The following RABGAP1L variants were observed in gnomAD, a reference collection of about 807,000 sequenced individuals.
RABGAP1L encodes RAB GTPase activating protein 1 like, also known as rab GTPase-activating protein 1-like.
A neutral mutation model predicts 137.7 loss-of-function variants in RABGAP1L; 63 were observed. That is an observed-to-expected ratio of 0.46 (90% CI 0.37 to 0.56). The LOEUF is 0.56. Among genes scored for constraint, RABGAP1L ranks in the 20% least tolerant of loss-of-function variants. RABGAP1L has a pLI of 0.00. For missense variants in RABGAP1L, 1,095 were observed against 1,244.0 expected, an observed-to-expected ratio of 0.88 and a Z score of 1.80; for synonymous variants, 431 against 433.7, an observed-to-expected ratio of 0.99 and a Z score of 0.08.
At chr1:174,607,561 A>G (rs1330650779) in intron 13 of RABGAP1L, among the ~76,000 whole-genome samples, 3 of 152,080 alleles carry the variant, frequency 2.0e-5, no homozygotes, top group African/African-American at 7.2e-5. Flanking sequence ...ACTCAAAATC[A>G]GCCACCACTC....
chr1:174,251,697 A>G (rs1343782566), intron 6 of RABGAP1L, among the ~76,000 whole-genome samples: 1 of 152,154 alleles, frequency 6.6e-6, no homozygotes, highest in African/African-American at 2.4e-5. Flanking sequence ...TTTTGTTTAT[A>G]TATTCATGGA....
chr1:174,927,183 T>C (rs952261837), intron 19 of RABGAP1L, among the ~76,000 whole-genome samples: 39 of 152,176 alleles, frequency 2.6e-4, no homozygotes, highest in Non-Finnish European at 3.8e-4. Context: ...GTGCTTTAGG[T>C]TCAGATTGAT....
At chr1:174,818,467 CAAAT>C (rs1690666141) in intron 19 of RABGAP1L, among the ~76,000 whole-genome samples, 1 of 151,874 alleles carries the variant, frequency 6.6e-6, no homozygotes, top group Non-Finnish European at 1.5e-5. Flanking sequence ...TAAGTTATGA[CAAAT>C]AAAAGCCAAT....
chr1:174,983,589 C>A (rs1671318621), intron 24 of RABGAP1L, among the ~76,000 whole-genome samples: 1 of 152,126 alleles, frequency 6.6e-6, no homozygotes, highest in Non-Finnish European at 1.5e-5. Context: ...GTTCAGGTTT[C>A]ATACTAGTAA....
rs1243654412 is a variant in RABGAP1L, at chr1:174,994,628, A to G, written c.*4627A>G. ...AATATATGGACTGAATTGTGAGAAT[A>G]TAAATGCATCGAAAGACTCTGGTGT... On this transcript the variant is annotated 3_prime_UTR_variant, in exon 26 of 26. Coordinates refer to ENST00000681986, the MANE Select transcript of RABGAP1L (RefSeq NM_001366446.1). 6.6e-6 allele frequency: 1 copy of G among 152,240 alleles called. No individual in the cohort carries two copies. 9.4% of individuals were successfully genotyped at this position (152,240 alleles called of 1,614,324 possible).
intron 1 of RABGAP1L, among the ~76,000 whole-genome samples, chr1:174,202,563 A>C (rs906113814): frequency 1.6e-4 from 24 of 152,030 alleles, no homozygotes; most frequent in Non-Finnish European, 2.2e-4. Flanking sequence ...CCTTTGTCAG[A>C]TGAGTAGGTT....
At chr1:174,162,190 G>T (rs138085455) in intron 1 of RABGAP1L, among the ~76,000 whole-genome samples, 6 of 152,112 alleles carry the variant, frequency 3.9e-5, no homozygotes, top group East Asian at 1.9e-4. Flanking sequence ...TTGAATGAAA[G>T]AATTTTATTA....
At chr1:174,872,230 G>C (rs1198190658) in intron 19 of RABGAP1L, among the ~76,000 whole-genome samples, 5 of 151,880 alleles carry the variant, frequency 3.3e-5, no homozygotes, top group Admixed American at 6.6e-5. Context: ...GAAGGATAAT[G>C]AGCTGAATGG....
chr1:174,449,101 ACTGT>A, intron 13 of RABGAP1L: 1 of 1,614,000 alleles, frequency 6.2e-7, no homozygotes, highest in Non-Finnish European at 8.5e-7. Context: ...GCCTCCGAAG[ACTGT>A]CTGAGACAAT....
intron 13 of RABGAP1L, among the ~76,000 whole-genome samples, chr1:174,398,822 G>A (rs1313793688): frequency 6.6e-6 from 1 of 152,066 alleles, no homozygotes; most frequent in African/African-American, 2.4e-5. Context: ...TTCCCCAACT[G>A]CCTCTTAATA....
intron 10 of RABGAP1L, among the ~76,000 whole-genome samples, chr1:174,302,655 C>G (rs1263345297): frequency 2.0e-5 from 3 of 152,142 alleles, no homozygotes; most frequent in Admixed American, 2.0e-4. Context: ...GTTAGCTGTT[C>G]TCAGAAGTTT....
At position 174,502,033 on chromosome 1, in the gene RABGAP1L, A is replaced by C. The variant is rs983942385; in HGVS notation, c.1710+107888A>C. Among the ~76,000 whole-genome samples, 4 of 151,864 alleles carry C rather than the reference A, an allele frequency of 2.6e-5. No individual in the cohort carries two copies. In the East Asian group the frequency reaches 7.7e-4, roughly 29 times the overall value. ...TGGAAACTCTTAATTAAAAGAAAGA[A>C]AAATATATAATATTAGGCAGAAACC... On this transcript the variant is annotated intron_variant, in intron 13 of 25. Transcript: ENST00000681986.
chr1:174,392,853 A>G (rs1386198612), intron 12 of RABGAP1L, among the ~76,000 whole-genome samples: 1 of 152,224 alleles, frequency 6.6e-6, no homozygotes, highest in Non-Finnish European at 1.5e-5. Flanking sequence ...AGATCAAACC[A>G]GAGTACATTG....
At chr1:174,622,232 A>T (rs1432627401) in intron 13 of RABGAP1L, among the ~76,000 whole-genome samples, 2 of 152,238 alleles carry the variant, frequency 1.3e-5, no homozygotes, top group East Asian at 3.8e-4. Context: ...GTGGAGAAAT[A>T]GGAACACTTT....
At chr1:174,713,042 C>T (rs1680701871) in intron 17 of RABGAP1L, among the ~76,000 whole-genome samples, 1 of 152,216 alleles carries the variant, frequency 6.6e-6, no homozygotes, top group South Asian at 2.1e-4. Context: ...TCCAATGGCA[C>T]AGGCCCAGAG....
At chr1:174,500,183 G>A (rs146267224) in intron 13 of RABGAP1L, among the ~76,000 whole-genome samples, 1,938 of 151,792 alleles carry the variant, frequency 0.013, 44 homozygotes, top group African/African-American at 0.043. Context: ...GGGTTCAAGC[G>A]ATTCTCCTGC....
At chr1:174,248,705 CAA>C (rs1672467958) in intron 5 of RABGAP1L, among the ~76,000 whole-genome samples, 1 of 152,102 alleles carries the variant, frequency 6.6e-6, no homozygotes, top group African/African-American at 2.4e-5. Context: ...GTGAATAAAA[CAA>C]AGGAAAACAG....
At chr1:174,368,451 T>G (rs1484745932) in intron 11 of RABGAP1L, among the ~76,000 whole-genome samples, 2 of 152,214 alleles carry the variant, frequency 1.3e-5, no homozygotes, top group Non-Finnish European at 1.5e-5. Context: ...TCCTTATGCT[T>G]TTAGGAAAAC....
intron 11 of RABGAP1L, among the ~76,000 whole-genome samples, chr1:174,351,455 A>AT (rs574660503): frequency 1.1e-4 from 16 of 150,106 alleles, no homozygotes; most frequent in African/African-American, 2.2e-4. Context: ...CTATCCTAAG[A>AT]TTTTTTTTTT....
Sources: allele counts gnomAD v4.1 joint callset (sites outside exome capture counted in the v4.1 genomes callset), GRCh38; gene constraint gnomAD v4.1.1; transcripts MANE v1.5; gene names NCBI Gene and HGNC (gene_info 2026-07-23, HGNC 2026-07-21).